The following LONP2 variants were observed in gnomAD, a reference collection of about 807,000 sequenced individuals.
LONP2 encodes the protein lon protease homolog 2, peroxisomal.
Under a neutral mutation model 85.6 loss-of-function variants are expected in LONP2, and 60 were observed. The ratio of observed to expected loss-of-function variants is 0.70; its 90% CI spans 0.57 to 0.87. LONP2 has a LOEUF of 0.87. Ranked by LOEUF, LONP2 falls within the 40% of genes least tolerant of loss-of-function variation. The pLI, the probability that LONP2 is intolerant of heterozygous loss-of-function variation, is 0.00. For synonymous variants in LONP2, 395 were observed against 389.7 expected, an observed-to-expected ratio of 1.01 and a Z score of -0.16; for missense variants, 860 against 1,063.5, an observed-to-expected ratio of 0.81 and a Z score of 2.66.
At chr16:48,265,103 A>G (rs1163275214) in intron 6 of LONP2, among the ~76,000 whole-genome samples, 1 of 152,054 alleles carries the variant, frequency 6.6e-6, no homozygotes, top group African/African-American at 2.4e-5. Context: ...TTCCTTGTGT[A>G]TTTTGGATAT....
intron 11 of LONP2, among the ~76,000 whole-genome samples, chr16:48,333,249 G>A (rs879754832): frequency 2.0e-5 from 3 of 152,176 alleles, no homozygotes; most frequent in Non-Finnish European, 4.4e-5. Flanking sequence ...ATTGGGTCCT[G>A]CTCCTTGTAT....
chr16:48,308,644 AAAG>A (rs998586239), intron 11 of LONP2, among the ~76,000 whole-genome samples: 1 of 151,574 alleles, frequency 6.6e-6, no homozygotes, highest in Non-Finnish European at 1.5e-5. Context: ...AAAAAAAAAA[AAAG>A]TCAACTCAAG....
At chr16:48,357,838 A>G (rs1960433383), downstream of LONP2, among the ~76,000 whole-genome samples, 1 of 152,214 alleles carries the variant, frequency 6.6e-6, no homozygotes, top group Admixed American at 6.5e-5. Flanking sequence ...AAAATCATAC[A>G]TATTACAATA....
At chr16:48,338,910 AAAAAT>A (rs1344129606) in intron 12 of LONP2, among the ~76,000 whole-genome samples, 5 of 152,184 alleles carry the variant, frequency 3.3e-5, no homozygotes, top group African/African-American at 7.2e-5. Context: ...CCTGTCTCAA[AAAAAT>A]AAAATAAAAG....
intron 11 of LONP2, among the ~76,000 whole-genome samples, chr16:48,311,426 T>C (rs987635887): frequency 6.6e-6 from 1 of 151,754 alleles, no homozygotes; most frequent in African/African-American, 2.4e-5. Flanking sequence ...GGTTCTTTCT[T>C]CTGCTTGGTC....
At position 48,352,095 on chromosome 16, in the gene LONP2, C is replaced by T. The variant is rs567988450; in HGVS notation, c.*293C>T. ...CTCCAGAACAGAAGCATCTGTAGTA[C>T]CTGGTAACTTGTTAGAAATGTACAT... On this transcript the variant is annotated 3_prime_UTR_variant, in exon 15 of 15. Coordinates refer to ENST00000285737, the MANE Select transcript of LONP2 (RefSeq NM_031490.5). The T allele has an allele frequency of 9.6e-6, 3 of 312,916 alleles. No individual in the cohort carries two copies. The highest frequency in any genetic ancestry group is 1.8e-5 in the Non-Finnish European group (3 of 168,642). 19.4% of individuals were successfully genotyped at this position (312,916 alleles called of 1,614,324 possible).
Position 48,294,082 on chromosome 16 carries a change from A to ATG in LONP2, c.1384-1930_1384-1929dup, listed in dbSNP as rs748863528. On this transcript the variant is annotated intron_variant, in intron 8 of 14. Transcript: ENST00000285737. ...CTCCCGAGTAGCTGGAGCTACAGGC[A>ATG]TGTGCCACCATACCAGGCTAATTTT... Among the ~76,000 whole-genome samples the ATG allele has an allele frequency of 9.9e-5, 15 of 152,274 alleles. No homozygotes were observed. The East Asian group carries it at 1.9e-3, about 20-fold the overall frequency.
chr16:48,251,567 C>T (rs1306379953), intron 1 of LONP2, among the ~76,000 whole-genome samples: 4 of 152,084 alleles, frequency 2.6e-5, no homozygotes, highest in African/African-American at 7.2e-5. Context: ...AATATTTAGC[C>T]CTCACACTTA....
At chr16:48,283,902 A>G (rs1034472448) in intron 8 of LONP2, among the ~76,000 whole-genome samples, 8 of 152,214 alleles carry the variant, frequency 5.3e-5, no homozygotes, top group Admixed American at 3.9e-4. Flanking sequence ...AAGATTCACC[A>G]TTCTAGATGC....
chr16:48,277,248 C>T, intron 7 of LONP2, 90 bp from the exon 8 acceptor site: 3 of 1,288,484 alleles, frequency 2.3e-6, no homozygotes, highest in Non-Finnish European at 2.2e-6. Context: ...GCTAAATGAT[C>T]TTTTCACATT....
chr16:48,295,482 T>C (rs1972649749), intron 8 of LONP2, among the ~76,000 whole-genome samples: 1 of 152,248 alleles, frequency 6.6e-6, no homozygotes, highest in African/African-American at 2.4e-5. Context: ...AGCATAGTAA[T>C]TTTTACTCTT....
chr16:48,361,404 A>G (rs1960588236), downstream of LONP2: 2 of 604,114 alleles, frequency 3.3e-6, no homozygotes. Context: ...ATTTTTAAAT[A>G]TATTAGTGTT....
At chr16:48,276,050 C>G (rs1030132848) in intron 7 of LONP2, among the ~76,000 whole-genome samples, 1 of 152,138 alleles carries the variant, frequency 6.6e-6, no homozygotes, top group Non-Finnish European at 1.5e-5. Flanking sequence ...TTCCCTACCA[C>G]TCTTAAAAAT....
At chr16:48,250,486 A>AAC (rs1313472829) in intron 1 of LONP2, among the ~76,000 whole-genome samples, 1 of 152,000 alleles carries the variant, frequency 6.6e-6, no homozygotes, top group African/African-American at 2.4e-5. Context: ...GTCTCAAAAA[A>AAC]AAAAAACAAA....
intron 11 of LONP2, among the ~76,000 whole-genome samples, chr16:48,303,990 A>G (rs575134482): frequency 5.5e-4 from 83 of 152,200 alleles, no homozygotes; most frequent in Non-Finnish European, 1.0e-3. Context: ...CCGCTGACTC[A>G]AATGTTAATC....
intron 11 of LONP2, among the ~76,000 whole-genome samples, chr16:48,332,236 G>A (rs1409664722): frequency 3.3e-5 from 5 of 152,172 alleles, no homozygotes; most frequent in African/African-American, 1.2e-4. Context: ...AAGGAAAGGA[G>A]TTAGTGGAAA....
chr16:48,351,490 G>C, intron 14 of LONP2, 91 bp from the exon 15 acceptor site: 1 of 941,030 alleles, frequency 1.1e-6, no homozygotes, highest in Non-Finnish European at 1.6e-6. Context: ...TAAAATAGTA[G>C]TGGTTAAATT....
chr16:48,296,973 G>T (rs921894642), intron 9 of LONP2, among the ~76,000 whole-genome samples: 2 of 150,960 alleles, frequency 1.3e-5, no homozygotes, highest in Non-Finnish European at 3.0e-5. Flanking sequence ...ATATCACTGA[G>T]TTTTTTTTTA....
intron 8 of LONP2, among the ~76,000 whole-genome samples, chr16:48,285,005 A>G (rs552859323): frequency 6.6e-6 from 1 of 152,144 alleles, no homozygotes; most frequent in Admixed American, 6.6e-5. Context: ...GTGTCCTTAA[A>G]CTTCAGTCTT....
Sources: gnomAD v4.1 joint callset for allele counts (sites outside exome capture counted in the v4.1 genomes callset) on GRCh38, gnomAD v4.1.1 for gene constraint, MANE v1.5 for transcripts, NCBI Gene and HGNC (gene_info 2026-07-23, HGNC 2026-07-21) for gene names.